The following VPS51 variants were observed in gnomAD, a reference collection of about 807,000 sequenced individuals.
VPS51 encodes the protein VPS51 subunit of GARP complex, also known as vacuolar protein sorting-associated protein 51 homolog.
Under a neutral mutation model 65.1 loss-of-function variants are expected in VPS51, and 55 were observed. That is an observed-to-expected ratio of 0.84 (90% CI 0.68 to 1.06). The LOEUF (loss-of-function observed/expected upper bound fraction) is 1.06, where lower values mean the gene tolerates loss of function less well. Ranked by LOEUF, VPS51 falls within the 50% of genes least tolerant of loss-of-function variation. The probability of loss-of-function intolerance (pLI) is 0.00; values close to 1 mark genes in which losing one functional copy is unlikely to be tolerated. For missense variants in VPS51, 943 were observed against 1,101.6 expected (o/e 0.86, Z 2.04); for synonymous variants, 473 against 489.5 (o/e 0.97, Z 0.44).
At chr11:65,111,220 A>G in intron 9 of VPS51, 107 bp from the exon 10 acceptor site, 2 of 1,524,774 alleles carry the variant, frequency 1.3e-6, no homozygotes, top group East Asian at 4.7e-5. Flanking sequence ...TTTCTGCCTC[A>G]TCCCAGCTAC....
chr11:65,107,900 C>CT lies in VPS51; in HGVS notation c.604dup (p.Tyr202LeufsTer41). On this transcript the variant is annotated frameshift_variant, in exon 4 of 10. Coordinates refer to ENST00000279281, the MANE Select transcript of VPS51 (RefSeq NM_013265.4). LOFTEE classifies it high-confidence loss of function. This position sits in a 1 kb window ranked among gnomAD's most constrained non-coding sequence, Gnocchi z 4.0. ...TGGGCGCCTATGGGCAGGCGGTGCG[C>CT]TACCAGGGCCGCGCGCAGGCCGTGC... 1.3e-6 allele frequency: 2 copies of CT among 1,551,756 alleles called. No individual in the cohort carries two copies. The highest frequency in any genetic ancestry group is 1.7e-6 in the Non-Finnish European group (2 of 1,149,166).
chr11:65,096,705 C>T, intron 1 of VPS51: 3 of 633,562 alleles, frequency 4.7e-6, no homozygotes, highest in East Asian at 2.7e-5. Flanking sequence ...GTCTTCTGGG[C>T]TGATGTGATA....
intron 4 of VPS51, 83 bp from the exon 5 acceptor site, chr11:65,108,114 C>G: frequency 6.5e-7 from 1 of 1,538,682 alleles, no homozygotes. Flanking sequence ...TGTCCCCCTG[C>G]CCTGTGTGTG....
rs1178194564 is a variant in VPS51, at chr11:65,108,339, G to C, written c.868G>C (p.Glu290Gln). The C allele has an allele frequency of 1.2e-6, 2 of 1,611,232 alleles. No individual in the cohort carries two copies. Among genetic ancestry groups the C allele is most frequent in the Non-Finnish European group, 1.7e-6 (2 of 1,179,368 alleles). The change falls in exon 5 of 10, where the codon GAG becomes CAG. Residue 290 changes from glutamate to glutamine, a missense_variant. By Grantham distance (29) the Glu-to-Gln change is conservative. Around this residue, in one of 2 missense-constraint regions of VPS51, gnomAD observed 855 missense variants for 953.7 expected, o/e 0.90. Transcript: ENST00000279281. ...GAAGGAGCTGAGAAACCTGGAGGCC[G>C]AGCTGGGGCCCTCACCTCCGGCTCC... is the stretch of plus-strand genomic sequence containing the variant. ...LEKELRNLEA[E>Q]LGPSPPAPDV...
In VPS51 at chr11:65,111,213, C is replaced by G. The variant is rs764381919; in HGVS notation, c.2089-114C>G. ...CTTCTTATCTGGCCCCGGAGACTTT[C>G]TGCCTCATCCCAGCTACTTCCATCG... On this transcript the variant is annotated intron_variant, in intron 9 of 9. Coordinates refer to ENST00000279281, the MANE Select transcript of VPS51 (RefSeq NM_013265.4). 6.7e-6 allele frequency: 10 copies of G among 1,487,934 alleles called. No homozygotes were observed. The South Asian group carries it at 1.1e-4, about 16-fold the overall frequency. 92.2% of individuals were successfully genotyped at this position (1,487,934 alleles called of 1,614,324 possible). A position where few individuals can be genotyped will look rare whatever the true frequency, so the allele number is the denominator to read the frequency against.
intron 7 of VPS51, 41 bp from the exon 8 acceptor site, chr11:65,110,441 C>T (rs1554993585): frequency 1.9e-6 from 3 of 1,613,384 alleles, no homozygotes; most frequent in East Asian, 2.2e-5. Context: ...GGTGGTTTCC[C>T]CTGACTCGGG....
At chr11:65,106,762 AAAAG>A (rs1333207434) in intron 2 of VPS51, among the ~76,000 whole-genome samples, 1 of 151,680 alleles carries the variant, frequency 6.6e-6, no homozygotes, top group Non-Finnish European at 1.5e-5. Flanking sequence ...AAAAAAAAAA[AAAAG>A]AATAGGTGGA....
Position 65,108,000 on chromosome 11 carries a change from C to T in VPS51, c.703C>T (p.Gln235Ter). The T allele has an allele frequency of 1.9e-6, 3 of 1,542,356 alleles. No individual in the cohort carries two copies. The highest frequency in any genetic ancestry group is 2.6e-6 in the Non-Finnish European group (3 of 1,145,570). ...CCAGGTCATCACGGCCCGCCTGGCC[C>T]AGCAGCTGCGGCAGCGCTTTAGGTG... ...DCQVITARLA[Q>*]QLRQRFREGG... The change falls in exon 4 of 10, where the codon CAG becomes TAG. Residue 235 changes from glutamine (Q) to a stop codon, truncating the protein, a stop_gained. Coordinates refer to ENST00000279281, the MANE Select transcript of VPS51 (RefSeq NM_013265.4). LOFTEE classifies it high-confidence loss of function. This position sits in a 1 kb window ranked among gnomAD's most constrained non-coding sequence, Gnocchi z 4.0.
chr11:65,108,429 G>C lies in VPS51; in HGVS notation c.958G>C (p.Ala320Pro), dbSNP rs1159857578. 1.9e-6 allele frequency: 3 copies of C among 1,611,754 alleles called. No individual in the cohort carries two copies. Among genetic ancestry groups the C allele is most frequent in the Non-Finnish European group, 2.5e-6 (3 of 1,179,660 alleles). ...CGTGGGCGGCCTCTGCCAGGTGGCGGCGGCCTACCAGGAGCTGTTTGCGGC... is the reference window on the plus strand; with the variant it reads ...CGTGGGCGGCCTCTGCCAGGTGGCGCCGGCCTACCAGGAGCTGTTTGCGGC... Reference protein sequence around the residue: ...GFVGGLCQVAAAYQELFAAQG... With the variant: ...GFVGGLCQVAPAYQELFAAQG... The change falls in exon 5 of 10, where the codon GCG (alanine) becomes CCG (proline). Residue 320 changes from alanine to proline, a missense_variant. By Grantham distance (27) the Ala-to-Pro change is conservative (BLOSUM62 -1). Transcript: ENST00000279281.
At chr11:65,110,168 C>T (rs1000178121) in intron 7 of VPS51, 1 of 622,724 alleles carries the variant, frequency 1.6e-6, no homozygotes, top group Non-Finnish European at 2.8e-6. Context: ...TGTTCCTTCT[C>T]AGCCCAGGAT....
At chr11:65,101,266 A>G (rs983623681) in intron 2 of VPS51, among the ~76,000 whole-genome samples, 8 of 152,234 alleles carry the variant, frequency 5.3e-5, no homozygotes, top group African/African-American at 1.4e-4. Context: ...TTATATCCCA[A>G]TTAAAAAGAA....
At chr11:65,110,942 G>A in intron 9 of VPS51, 161 bp downstream of exon 9, 1 of 805,448 alleles carries the variant, frequency 1.2e-6, no homozygotes, top group Non-Finnish European at 2.0e-6. Flanking sequence ...AGTACAGAGT[G>A]CCCTGCCTCC....
At chr11:65,110,379 T>C in intron 7 of VPS51, 103 bp from the exon 8 acceptor site, 4 of 1,587,748 alleles carry the variant, frequency 2.5e-6, no homozygotes, top group Non-Finnish European at 3.4e-6. Context: ...TACCCTGTGA[T>C]CCTTGTGATG....
intron 2 of VPS51, 120 bp downstream of exon 2, chr11:65,097,247 T>C: frequency 3.5e-6 from 5 of 1,423,122 alleles, no homozygotes; most frequent in Non-Finnish European, 4.8e-6. Flanking sequence ...GTCCTGACAT[T>C]ATTCCATTCT....
chr11:65,101,856 GCA>G (rs1947811043), intron 2 of VPS51, among the ~76,000 whole-genome samples: 1 of 150,064 alleles, frequency 6.7e-6, no homozygotes, highest in Non-Finnish European at 1.5e-5. Context: ...CACAAAGGGA[GCA>G]CAGTCACATA....
At position 65,107,942 on chromosome 11, in the gene VPS51, C is replaced by T; in HGVS notation, c.645C>T (p.His215=). 1.9e-6 allele frequency: 3 copies of T among 1,566,598 alleles called. No homozygotes were observed. The highest frequency in any genetic ancestry group is 2.6e-6 in the Non-Finnish European group (3 of 1,158,398). Residue 215 remains histidine, a synonymous_variant, in exon 4 of 10, where the codon CAC becomes CAT. Transcript: ENST00000279281. This position sits in a 1 kb window ranked among gnomAD's most constrained non-coding sequence, Gnocchi z 4.0. ...RAQAVLQQYQ[H]LPSFRAIQDD... is the part of the protein sequence containing the mutation. ...AGGCCGTGCTGCAGCAGTACCAACA[C>T]CTGCCCTCGTTCCGCGCCATCCAGG...
intron 2 of VPS51, among the ~76,000 whole-genome samples, chr11:65,104,419 T>C (rs1201554417): frequency 6.6e-6 from 1 of 152,224 alleles, no homozygotes; most frequent in African/African-American, 2.4e-5. Context: ...ACTGCCTCGG[T>C]AAACATGATA....
At chr11:65,096,626 A>T (rs1005800463) in intron 1 of VPS51, 148 bp downstream of exon 1, 1 of 728,528 alleles carries the variant, frequency 1.4e-6, no homozygotes, top group African/African-American at 1.8e-5. Context: ...GCCAGGGAGT[A>T]CGAGCAGCTG....
intron 2 of VPS51, among the ~76,000 whole-genome samples, chr11:65,104,516 A>C (rs768762301): frequency 6.6e-6 from 1 of 152,238 alleles, no homozygotes; most frequent in Non-Finnish European, 1.5e-5. Flanking sequence ...TGAAATATCT[A>C]TTAACATGGC....
Sources: gnomAD v4.1 joint callset for allele counts (sites outside exome capture counted in the v4.1 genomes callset) on GRCh38, gnomAD v4.1.1 for gene constraint, gnomAD v4.1.1 regional missense constraint, Gnocchi (gnomAD v3.1) non-coding constraint, MANE v1.5 for transcripts, NCBI Gene and HGNC (gene_info 2026-07-23, HGNC 2026-07-21) for gene names.